The following GRIA2 variants were observed in gnomAD, a reference collection of about 807,000 sequenced individuals.
GRIA2 encodes glutamate ionotropic receptor AMPA type subunit 2.
GRIA2 carries 14 observed loss-of-function variants against 97.3 expected under a neutral mutation model. That is an observed-to-expected ratio of 0.14 (90% CI 0.10 to 0.23). The LOEUF (loss-of-function observed/expected upper bound fraction) is 0.23, where lower values mean the gene tolerates loss of function less well. Among genes scored for constraint, GRIA2 ranks in the 10% least tolerant of loss-of-function variants. The pLI, the probability that GRIA2 is intolerant of heterozygous loss-of-function variation, is 1.00. For missense variants in GRIA2, 558 were observed against 1,069.8 expected, an observed-to-expected ratio of 0.52 and a Z score of 6.67; for synonymous variants, 412 against 387.8, an observed-to-expected ratio of 1.06 and a Z score of -0.73.
At chr4:157,352,153 T>A (rs1324712513) in intron 12 of GRIA2, among the ~76,000 whole-genome samples, 1 of 152,240 alleles carries the variant, frequency 6.6e-6, no homozygotes, top group Non-Finnish European at 1.5e-5. Flanking sequence ...TTTTATAATA[T>A]TGTTAAGTGA....
At chr4:157,336,854 C>A in intron 11 of GRIA2, 107 bp downstream of exon 11, 1 of 1,028,038 alleles carries the variant, frequency 9.7e-7, no homozygotes, top group Non-Finnish European at 1.4e-6. Context: ...ACTTCCTGTC[C>A]AAGCAGTTTA....
intron 2 of GRIA2, among the ~76,000 whole-genome samples, chr4:157,242,689 G>A (rs749331061): frequency 5.3e-4 from 81 of 152,162 alleles, no homozygotes; most frequent in Admixed American, 3.3e-4. Flanking sequence ...ATTGCTCCTA[G>A]GGGAAATTGA....
In GRIA2 at chr4:157,321,586, C is replaced by A. The variant is rs77490625; in HGVS notation, c.869C>A (p.Thr290Lys). 6.2e-7 allele frequency: 1 copy of A among 1,608,100 alleles called. No homozygotes were observed. The highest frequency in any genetic ancestry group is 8.5e-7 in the Non-Finnish European group (1 of 1,176,520). The change falls in exon 6 of 16, where the codon ACA becomes AAA. Residue 290 changes from threonine to lysine, a missense_variant. Transcript: ENST00000264426. Reference sequence around the variant, plus strand: ...GAAAAAGAATACCCTGGAGCTCACACAACAACAATTAAGGTTTGCTTTGGT... The same window carrying A: ...GAAAAAGAATACCCTGGAGCTCACAAAACAACAATTAAGGTTTGCTTTGGT... ...LEEKEYPGAH[T>K]TTIKYTSALT...
At chr4:157,334,257 C>T in intron 9 of GRIA2, 137 bp downstream of exon 9, 1 of 604,344 alleles carries the variant, frequency 1.7e-6, no homozygotes, top group Non-Finnish European at 3.0e-6. Flanking sequence ...TTCATATTTA[C>T]TCTGTTAAAA....
At position 157,244,667 on chromosome 4, in the gene GRIA2, G is replaced by C. The variant is rs373999379; in HGVS notation, c.229+22860G>C. Among the ~76,000 whole-genome samples the C allele has an allele frequency of 2.6e-5, 4 of 151,980 alleles. No individual in the cohort carries two copies. The East Asian group carries it at 7.8e-4, about 29-fold the overall frequency. On this transcript the variant is annotated intron_variant, in intron 2 of 15. Transcript: ENST00000264426. ...TATATAAAAGAGGCTACTGATACTA[G>C]AGTTATTACTCAGAACCTTTAAAGT...
chr4:157,297,246 A>G (rs1343961994), intron 2 of GRIA2, among the ~76,000 whole-genome samples: 1 of 152,128 alleles, frequency 6.6e-6, no homozygotes, highest in African/African-American at 2.4e-5. Context: ...TGCTGAGAAT[A>G]AAGGAAGAGA....
intron 9 of GRIA2, chr4:157,334,758 C>A (rs562363585): frequency 2.6e-5 from 4 of 151,890 alleles, no homozygotes; most frequent in Non-Finnish European, 5.9e-5. Flanking sequence ...TTGTGACAAA[C>A]TATTTTGTTG....
intron 6 of GRIA2, among the ~76,000 whole-genome samples, chr4:157,332,179 G>A (rs1735078392): frequency 6.6e-6 from 1 of 152,004 alleles, no homozygotes; most frequent in Admixed American, 6.6e-5. Flanking sequence ...TAATAATTCT[G>A]CTGTCCCACT....
intron 2 of GRIA2, among the ~76,000 whole-genome samples, chr4:157,296,203 G>A (rs919059643): frequency 7.2e-5 from 11 of 151,984 alleles, no homozygotes; most frequent in Non-Finnish European, 1.6e-4. Flanking sequence ...AAATGATTGC[G>A]CTTTTTTCCT....
chr4:157,271,412 G>C (rs1378912318), intron 2 of GRIA2, among the ~76,000 whole-genome samples: 1 of 152,014 alleles, frequency 6.6e-6, no homozygotes, highest in Non-Finnish European at 1.5e-5. Context: ...GGGTTCCCAT[G>C]ATACTCTTTT....
At chr4:157,326,756 A>G (rs1236918826) in intron 6 of GRIA2, among the ~76,000 whole-genome samples, 1 of 152,206 alleles carries the variant, frequency 6.6e-6, no homozygotes, top group African/African-American at 2.4e-5. Context: ...ATGCTGAGAA[A>G]TCATACTTTA....
rs1732771237 is a variant in GRIA2 at position 157,284,965 on chromosome 4, G to C, written c.230-18587G>C. On this transcript the variant is annotated intron_variant, in intron 2 of 15. Coordinates refer to ENST00000264426, the MANE Select transcript of GRIA2 (RefSeq NM_001083619.3). ...CAGGCCTGAGAATGAAATTATTGCT[G>C]GTGTGTACTTCTTTAAGTCTACAGG... Among the ~76,000 whole-genome samples the C allele has an allele frequency of 2.0e-5, 3 of 151,648 alleles. 1 individual carries two copies. In the South Asian group the frequency reaches 6.2e-4, roughly 31 times the overall value.
rs1375338129 is a variant in GRIA2 at position 157,341,468 on chromosome 4, A to G, written c.2043+6A>G. ...CCACTAAAGAGTTTTTCAGGGTAAG[A>G]GATTCTGCTTTGTAGTTTCTGATTT... is the stretch of plus-strand genomic sequence containing the variant. On this transcript the variant is annotated splice_donor_region_variant and intron_variant, in intron 12 of 15. Transcript: ENST00000264426. 1 of 1,573,272 alleles carries G rather than the reference A, an allele frequency of 6.4e-7. No individual in the cohort carries two copies. Among genetic ancestry groups the G allele is most frequent in the Admixed American group, 1.7e-5 (1 of 59,884 alleles).
At chr4:157,223,614 T>A (rs563156716) in intron 2 of GRIA2, among the ~76,000 whole-genome samples, 1 of 152,352 alleles carries the variant, frequency 6.6e-6, no homozygotes, top group East Asian at 1.9e-4. Context: ...GTCATGCAAC[T>A]GTTCTGAGTA....
In GRIA2 at chr4:157,305,339, T is replaced by A. The variant is rs145388302; in HGVS notation, c.469+1548T>A. Among the ~76,000 whole-genome samples the A allele has an allele frequency of 1.6e-3, 247 of 152,226 alleles. 4 individuals carry two copies. In the East Asian group the frequency reaches 0.017, roughly 10 times the overall value. Reference sequence around the variant, plus strand: ...GCCATTACCCCAGGCCAAGCCACCATAATGTGTTCAGTCCCTCATCTCTCC... The same window carrying A: ...GCCATTACCCCAGGCCAAGCCACCAAAATGTGTTCAGTCCCTCATCTCTCC... On this transcript the variant is annotated intron_variant, in intron 3 of 15. Transcript: ENST00000264426.
intron 2 of GRIA2, among the ~76,000 whole-genome samples, chr4:157,224,040 G>T (rs1203403736): frequency 6.6e-6 from 1 of 151,994 alleles, no homozygotes; most frequent in African/African-American, 2.4e-5. Flanking sequence ...TATATTTGCA[G>T]GGTGAACACA....
chr4:157,264,705 TA>T (rs1731690705), intron 2 of GRIA2, among the ~76,000 whole-genome samples: 1 of 152,150 alleles, frequency 6.6e-6, no homozygotes, highest in East Asian at 1.9e-4. Flanking sequence ...GATGGAAAAG[TA>T]AAAAAGGACA....
intron 2 of GRIA2, among the ~76,000 whole-genome samples, chr4:157,253,017 TGTAGTTA>T (rs1440509210): frequency 6.6e-6 from 1 of 152,084 alleles, no homozygotes; most frequent in Non-Finnish European, 1.5e-5. Flanking sequence ...GGGGGGACCA[TGTAGTTA>T]TTTTTCACAA....
At chr4:157,228,023 T>C (rs1729825783) in intron 2 of GRIA2, among the ~76,000 whole-genome samples, 1 of 152,166 alleles carries the variant, frequency 6.6e-6, no homozygotes, top group African/African-American at 2.4e-5. Flanking sequence ...AATTTAAAAG[T>C]TTTTTGTCAT....
Sources: gnomAD v4.1 joint callset for allele counts (sites outside exome capture counted in the v4.1 genomes callset) on GRCh38, gnomAD v4.1.1 for gene constraint, MANE v1.5 for transcripts, NCBI Gene and HGNC (gene_info 2026-07-23, HGNC 2026-07-21) for gene names.